The following CCNY variants were observed in gnomAD, a reference collection of about 807,000 sequenced individuals.
CCNY encodes cyclin-Y.
In CCNY, 19 loss-of-function variants were observed where a neutral mutation model predicts 42.8. The ratio of observed to expected loss-of-function variants is 0.44; its 90% CI spans 0.31 to 0.65. The LOEUF (loss-of-function observed/expected upper bound fraction) is 0.65, where lower values mean the gene tolerates loss of function less well. CCNY is among the 30% of genes least tolerant of loss of function. The probability of loss-of-function intolerance (pLI) is 0.07; values close to 1 mark genes in which losing one functional copy is unlikely to be tolerated. For synonymous variants in CCNY, 165 were observed against 162.7 expected, an observed-to-expected ratio of 1.01 and a Z score of -0.11; for missense variants, 370 against 437.3, an observed-to-expected ratio of 0.85 and a Z score of 1.37.
chr10:35,317,128 T>C (rs1258776224), intron 3 of CCNY, among the ~76,000 whole-genome samples: 1 of 152,176 alleles, frequency 6.6e-6, no homozygotes, highest in African/African-American at 2.4e-5. Context: ...ATTACAGGCG[T>C]GAACCATTGT....
chr10:35,401,605 T>G lies in CCNY; in HGVS notation c.154+64398T>G, dbSNP rs550897562. On this transcript the variant is annotated intron_variant, in intron 1 of 9. Transcript: ENST00000374704. ...TTTGCTCAAAATTAGCAGTAGTAAT[T>G]GTCTCATGTGTGCGTGTGAAGAGAC... is the stretch of plus-strand genomic sequence containing the variant. Among the ~76,000 whole-genome samples, 23 of 152,178 alleles carry G rather than the reference T, an allele frequency of 1.5e-4. No homozygotes were observed. In the South Asian group the frequency reaches 4.8e-3, roughly 32 times the overall value.
intron 1 of CCNY, among the ~76,000 whole-genome samples, chr10:35,379,925 C>G (rs549345981): frequency 6.6e-6 from 1 of 152,270 alleles, no homozygotes; most frequent in East Asian, 1.9e-4. Context: ...GCTGTCATCT[C>G]CAGGAATTTT....
chr10:35,347,880 A>T (rs776483298), intron 1 of CCNY, among the ~76,000 whole-genome samples: 37 of 152,296 alleles, frequency 2.4e-4, no homozygotes, highest in Middle Eastern at 6.8e-3. Flanking sequence ...AGTTGTTTAA[A>T]AGTCCAGGTT....
intron 1 of CCNY, among the ~76,000 whole-genome samples, chr10:35,413,918 C>T (rs1357792504): frequency 1.3e-5 from 2 of 152,106 alleles, no homozygotes; most frequent in Non-Finnish European, 2.9e-5. Context: ...TCGCTTTTGC[C>T]CCACTTCACA....
intron 3 of CCNY, among the ~76,000 whole-genome samples, chr10:35,308,942 A>C (rs548775138): frequency 6.6e-6 from 1 of 152,302 alleles, no homozygotes; most frequent in African/African-American, 2.4e-5. Flanking sequence ...TTGCCTCAGC[A>C]GTCCTGAAAA....
intron 1 of CCNY, among the ~76,000 whole-genome samples, chr10:35,456,226 T>A (rs564043871): frequency 6.6e-6 from 1 of 152,182 alleles, no homozygotes; most frequent in Admixed American, 6.5e-5. Context: ...GTCTTCTTGC[T>A]CCCATTGCAT....
chr10:35,294,585 C>T (rs1835449563), intron 3 of CCNY, among the ~76,000 whole-genome samples: 1 of 152,042 alleles, frequency 6.6e-6, no homozygotes, highest in Non-Finnish European at 1.5e-5. Flanking sequence ...GATGTTAAAC[C>T]ACCTTTGCAT....
At chr10:35,419,424 G>C (rs1209691880) in intron 1 of CCNY, among the ~76,000 whole-genome samples, 1 of 152,136 alleles carries the variant, frequency 6.6e-6, no homozygotes, top group Non-Finnish European at 1.5e-5. Context: ...AAAGAGAAAG[G>C]TGGTAGGAAG....
intron 1 of CCNY, among the ~76,000 whole-genome samples, chr10:35,455,804 CTTTTTTTTTT>C (rs67784224): frequency 2.6e-5 from 2 of 75,980 alleles, no homozygotes; most frequent in African/African-American, 9.9e-5. Context: ...GGGATGCTTC[CTTTTTTTTTT>C]TTTTTTTTTT....
chr10:35,468,295 A>C (rs964764682), intron 1 of CCNY, among the ~76,000 whole-genome samples: 4 of 152,326 alleles, frequency 2.6e-5, no homozygotes, highest in African/African-American at 7.2e-5. Flanking sequence ...CACCTCCCAG[A>C]GGTGCCACCT....
intron 7 of CCNY, among the ~76,000 whole-genome samples, chr10:35,543,677 C>T (rs1320478522): frequency 1.3e-5 from 2 of 151,350 alleles, no homozygotes; most frequent in Non-Finnish European, 2.9e-5. Context: ...TTATTCTTAA[C>T]TTTAGAATGT....
intron 7 of CCNY, among the ~76,000 whole-genome samples, chr10:35,536,817 A>G (rs1454610556): frequency 6.6e-6 from 1 of 152,196 alleles, no homozygotes; most frequent in African/African-American, 2.4e-5. Context: ...CAGTTTTATA[A>G]AGGAAGCAGA....
chr10:35,266,983 G>A (rs1002582870), intron 3 of CCNY, among the ~76,000 whole-genome samples: 26 of 151,928 alleles, frequency 1.7e-4, no homozygotes, highest in African/African-American at 6.3e-4. Context: ...TCAGGAGGCT[G>A]AGGCAGGAGA....
At chr10:35,253,217 C>A (rs1355049800) in intron 3 of CCNY, among the ~76,000 whole-genome samples, 3 of 151,958 alleles carry the variant, frequency 2.0e-5, no homozygotes, top group African/African-American at 7.3e-5. Flanking sequence ...TTTAAAAAAA[C>A]TTTGTAAATT....
At position 35,447,071 on chromosome 10, in the gene CCNY, A is replaced by G. The variant is rs557312125; in HGVS notation, c.155-36333A>G. On this transcript the variant is annotated intron_variant, in intron 1 of 9. Coordinates refer to ENST00000374704, the MANE Select transcript of CCNY (RefSeq NM_145012.6). ...GGCGGGTGGATCATGAGGTCAGGAG[A>G]TCGAGACCATCCTGGCTAATACGGT... Among the ~76,000 whole-genome samples the G allele has an allele frequency of 4.6e-3, 705 of 152,274 alleles. 7 individuals carry two copies. The highest frequency in any genetic ancestry group is 3.3e-3 in the Non-Finnish European group (225 of 68,028).
At chr10:35,413,180 C>CG (rs950604109) in intron 1 of CCNY, among the ~76,000 whole-genome samples, 1 of 151,934 alleles carries the variant, frequency 6.6e-6, no homozygotes, top group African/African-American at 2.4e-5. Context: ...AGACTAGAAT[C>CG]GGGGAGATGA....
At chr10:35,305,072 GA>G (rs1369048627) in intron 3 of CCNY, among the ~76,000 whole-genome samples, 2 of 152,156 alleles carry the variant, frequency 1.3e-5, no homozygotes, top group African/African-American at 4.8e-5. Flanking sequence ...GTTTCTTTTG[GA>G]AAAATATAAA....
chr10:35,560,388 A>G (rs886859409), intron 8 of CCNY, among the ~76,000 whole-genome samples: 2 of 152,152 alleles, frequency 1.3e-5, no homozygotes, highest in African/African-American at 2.4e-5. Context: ...TAATTAAATT[A>G]ACATTGGTTC....
At chr10:35,278,104 A>T (rs1179591084) in intron 3 of CCNY, among the ~76,000 whole-genome samples, 1 of 152,092 alleles carries the variant, frequency 6.6e-6, no homozygotes, top group Non-Finnish European at 1.5e-5. Flanking sequence ...TGAGAGATGG[A>T]TGACGTCGGG....
Sources: allele counts gnomAD v4.1 joint callset (sites outside exome capture counted in the v4.1 genomes callset), GRCh38; gene constraint gnomAD v4.1.1; transcripts MANE v1.5; gene names NCBI Gene and HGNC (gene_info 2026-07-23, HGNC 2026-07-21).